Variants in CLEC12B observed in about 807,000 individuals in gnomAD.
CLEC12B encodes the protein C-type lectin domain family 12 member B.
A neutral mutation model predicts 36.1 loss-of-function variants in CLEC12B; 25 were observed. The observed-to-expected ratio is 0.69, with a 90% confidence interval of 0.50 to 0.97. The LOEUF is 0.97. CLEC12B is among the 50% of genes least tolerant of loss of function. The pLI, the probability that CLEC12B is intolerant of heterozygous loss-of-function variation, is 0.00. For missense variants in CLEC12B, 325 were observed against 318.4 expected, an observed-to-expected ratio of 1.02 and a Z score of -0.16; for synonymous variants, 110 against 108.5, an observed-to-expected ratio of 1.01 and a Z score of -0.09.
intron 2 of CLEC12B, among the ~76,000 whole-genome samples, chr12:10,014,015 C>A (rs1865408120): frequency 1.3e-5 from 2 of 152,120 alleles, no homozygotes; most frequent in Admixed American, 1.3e-4. Context: ...TGATGAAGCA[C>A]CTTAAATGCT....
intron 5 of CLEC12B, among the ~76,000 whole-genome samples, chr12:10,018,117 G>C (rs1450067358): frequency 6.6e-6 from 1 of 151,972 alleles, no homozygotes; most frequent in Non-Finnish European, 1.5e-5. Flanking sequence ...ATTCTACCTG[G>C]GATTATGATT....
chr12:10,015,964 C>G (rs10845019), intron 5 of CLEC12B: 207,663 of 1,276,362 alleles, frequency 0.16, 20,502 homozygotes, highest in East Asian at 0.52. Context: ...CACACACACA[C>G]ACCTAATACT....
upstream of CLEC12B, among the ~76,000 whole-genome samples, chr12:10,009,577 A>G (rs1865275947): frequency 6.6e-6 from 1 of 151,788 alleles, no homozygotes; most frequent in African/African-American, 2.4e-5. Flanking sequence ...AAAAAAAACA[A>G]AAAACATGAA....
rs1016821250 is a variant in CLEC12B at position 10,018,794 on chromosome 12, T to C, written c.*313T>C. 1.3e-5 allele frequency among the ~76,000 whole-genome samples: 2 copies of C among 152,184 alleles called. No homozygotes were observed. The highest frequency in any genetic ancestry group is 2.9e-5 in the Non-Finnish European group (2 of 68,018). On this transcript the variant is annotated 3_prime_UTR_variant, in exon 6 of 6. Coordinates refer to ENST00000338896, the MANE Select transcript of CLEC12B (RefSeq NM_001129998.3). ...AAATAAAGACTCCTTTCTTTCATTA[T>C]TATTATACTGTCACGTGTGCACTAG...
chr12:10,007,080 TAAAAAAAGA>T (rs1802867889), upstream of CLEC12B, among the ~76,000 whole-genome samples: 1 of 149,544 alleles, frequency 6.7e-6, no homozygotes, highest in African/African-American at 2.5e-5. Context: ...AGAATAAAAA[TAAAAAAAGA>T]AAAAAAAGAA....
At chr12:10,006,474 T>A (rs1338365930), upstream of CLEC12B, among the ~76,000 whole-genome samples, 2 of 151,708 alleles carry the variant, frequency 1.3e-5, no homozygotes, top group Non-Finnish European at 2.9e-5. Flanking sequence ...GTTTTTTTTT[T>A]AAGAAGACCA....
At chr12:10,009,410 C>T (rs997625478), upstream of CLEC12B, among the ~76,000 whole-genome samples, 18 of 152,024 alleles carry the variant, frequency 1.2e-4, no homozygotes, top group Non-Finnish European at 1.9e-4. Flanking sequence ...TAAACTGGTC[C>T]TCATGTCAAT....
intron 5 of CLEC12B, chr12:10,017,525 C>A: frequency 1.0e-6 from 1 of 985,432 alleles, no homozygotes; most frequent in Non-Finnish European, 1.2e-6. Context: ...AACCTACAGA[C>A]CCTGGCCCCT....
At chr12:10,008,122 G>A (rs1372670713), upstream of CLEC12B, among the ~76,000 whole-genome samples, 1 of 152,202 alleles carries the variant, frequency 6.6e-6, no homozygotes, top group Non-Finnish European at 1.5e-5. Context: ...CAATAGCCAC[G>A]TTGCTAATAA....
intron 1 of CLEC12B, among the ~76,000 whole-genome samples, chr12:10,011,232 G>GT (rs779492446): frequency 5.9e-5 from 9 of 152,102 alleles, no homozygotes; most frequent in Non-Finnish European, 1.3e-4. Context: ...GGTAGAGGAC[G>GT]TTTTTCTTTT....
chr12:10,009,395 C>T (rs1865271582), upstream of CLEC12B, among the ~76,000 whole-genome samples: 1 of 152,114 alleles, frequency 6.6e-6, no homozygotes, highest in South Asian at 2.1e-4. Context: ...TTGTAATCAT[C>T]TATTTAAACT....
At chr12:10,015,528 T>C in intron 4 of CLEC12B, 84 bp from the exon 5 acceptor site, 1 of 1,579,586 alleles carries the variant, frequency 6.3e-7, no homozygotes. Context: ...AATACATGAA[T>C]TTAATGAATG....
At position 10,015,344 on chromosome 12, in the gene CLEC12B, A is replaced by C. The variant is rs748354997; in HGVS notation, c.502A>C (p.Ser168Arg). The C allele has an allele frequency of 6.2e-7, 1 of 1,613,560 alleles. No homozygotes were observed. The highest frequency in any genetic ancestry group is 8.5e-7 in the Non-Finnish European group (1 of 1,179,656). The change falls in exon 4 of 6, where the codon AGT becomes CGT. Residue 168 changes from serine to arginine, a missense_variant. Coordinates refer to ENST00000338896, the MANE Select transcript of CLEC12B (RefSeq NM_001129998.3). ...TTNEEKTWANSRKDCIDKNST... is the reference protein window; with the variant it reads ...TTNEEKTWANRRKDCIDKNST... ...AAATGAGGAGAAAACCTGGGCTAACAGTAGAAAGGACTGCATAGACAAGAA... is the reference window on the plus strand; with the variant it reads ...AAATGAGGAGAAAACCTGGGCTAACCGTAGAAAGGACTGCATAGACAAGAA...
upstream of CLEC12B, among the ~76,000 whole-genome samples, chr12:10,006,587 G>C (rs1024702224): frequency 1.1e-4 from 16 of 152,148 alleles, no homozygotes; most frequent in Admixed American, 3.3e-4. Context: ...GGAAAACCAA[G>C]AGAATGGTGT....
chr12:10,006,325 G>A (rs4764188), upstream of CLEC12B, among the ~76,000 whole-genome samples: 57,711 of 151,952 alleles, frequency 0.38, 11,290 homozygotes, highest in African/African-American at 0.42. Flanking sequence ...TAGATCAAGC[G>A]CTGGTATGGA....
At chr12:10,009,251 T>C (rs1163246126), upstream of CLEC12B, among the ~76,000 whole-genome samples, 1 of 152,158 alleles carries the variant, frequency 6.6e-6, no homozygotes, top group Admixed American at 6.5e-5. Flanking sequence ...GTGCCATCTT[T>C]AAGAGGTGTA....
intron 2 of CLEC12B, 101 bp downstream of exon 2, chr12:10,012,984 C>T (rs1269866793): frequency 5.9e-6 from 5 of 842,224 alleles, no homozygotes; most frequent in South Asian, 2.8e-5. Flanking sequence ...CATCCTGAAT[C>T]GTCTGATACT....
At chr12:10,009,602 A>G (rs1865277153), upstream of CLEC12B, among the ~76,000 whole-genome samples, 1 of 151,324 alleles carries the variant, frequency 6.6e-6, no homozygotes, top group East Asian at 1.9e-4. Flanking sequence ...TAACATATGT[A>G]TATTTAGGTG....
intron 5 of CLEC12B, 48 bp downstream of exon 5, chr12:10,015,775 T>C (rs1330104790): frequency 2.5e-6 from 4 of 1,605,658 alleles, no homozygotes; most frequent in South Asian, 2.2e-5. Context: ...CATGGAATCC[T>C]GGGAAAATTA....
Sources: gnomAD v4.1 joint callset for allele counts (sites outside exome capture counted in the v4.1 genomes callset) on GRCh38, gnomAD v4.1.1 for gene constraint, MANE v1.5 for transcripts, NCBI Gene and HGNC (gene_info 2026-07-23, HGNC 2026-07-21) for gene names.